ZBTB44: variants seen among roughly 807,000 people sequenced by gnomAD.
The protein encoded by ZBTB44 is zinc finger and BTB domain containing 44, also known as zinc finger and BTB domain-containing protein 44.
A neutral mutation model predicts 54.0 loss-of-function variants in ZBTB44; 15 were observed. The observed-to-expected ratio is 0.28, with a 90% CI of 0.19 to 0.43. ZBTB44 has a LOEUF of 0.43. ZBTB44 is among the 20% of genes least tolerant of loss of function. The pLI, the probability that ZBTB44 is intolerant of heterozygous loss-of-function variation, is 1.00. For synonymous variants in ZBTB44, 230 were observed against 250.1 expected (o/e 0.92, Z 0.76); for missense variants, 487 against 707.1 (o/e 0.69, Z 3.53).
At chr11:130,296,276 T>A (rs190341285) in intron 1 of ZBTB44, 530 of 1,480,532 alleles carry the variant, frequency 3.6e-4, no homozygotes, top group Non-Finnish European at 4.6e-4. Flanking sequence ...TTTGTCCTTC[T>A]GAAAAGAGAT....
At chr11:130,272,125 G>A (rs1255512900) in intron 1 of ZBTB44, among the ~76,000 whole-genome samples, 2 of 151,306 alleles carry the variant, frequency 1.3e-5, no homozygotes, top group Admixed American at 6.6e-5. Flanking sequence ...CCAGCTGCTC[G>A]GGAGGCTGAG....
intron 1 of ZBTB44, chr11:130,310,600 CACATA>C (rs1410215865): frequency 1.3e-5 from 2 of 152,088 alleles, no homozygotes; most frequent in African/African-American, 2.4e-5. Context: ...TATGTGGCTT[CACATA>C]ACATAATTTG....
chr11:130,311,765 C>T (rs1942621382), intron 1 of ZBTB44, among the ~76,000 whole-genome samples: 1 of 152,132 alleles, frequency 6.6e-6, no homozygotes, highest in African/African-American at 2.4e-5. Flanking sequence ...AACCAAGACT[C>T]CCTGGATAAA....
At chr11:130,280,787 G>A (rs1225211518) in intron 1 of ZBTB44, among the ~76,000 whole-genome samples, 1 of 152,136 alleles carries the variant, frequency 6.6e-6, no homozygotes, top group Non-Finnish European at 1.5e-5. Context: ...AAAATTACTT[G>A]GGTGTAAATA....
chr11:130,260,773 G>A (rs1038810406), intron 2 of ZBTB44, 83 bp downstream of exon 2: 9 of 1,440,590 alleles, frequency 6.2e-6, no homozygotes, highest in African/African-American at 4.3e-5. Context: ...ATATGACCGA[G>A]CACAAAACTT....
At chr11:130,284,402 C>T (rs1310195389) in intron 1 of ZBTB44, among the ~76,000 whole-genome samples, 1 of 152,136 alleles carries the variant, frequency 6.6e-6, no homozygotes, top group African/African-American at 2.4e-5. Context: ...TTCATGGTAC[C>T]TCAACAAACA....
At chr11:130,242,659 G>A (rs2136305815) in intron 2 of ZBTB44, among the ~76,000 whole-genome samples, 1 of 152,246 alleles carries the variant, frequency 6.6e-6, no homozygotes, top group Non-Finnish European at 1.5e-5. Flanking sequence ...AGCACACTGA[G>A]GATATCATCC....
intron 2 of ZBTB44, among the ~76,000 whole-genome samples, chr11:130,243,786 T>A (rs77839109): frequency 0.042 from 6,358 of 152,282 alleles, 325 homozygotes; most frequent in African/African-American, 0.12. Context: ...TAAATTTACA[T>A]CACTGCTAGC....
chr11:130,268,170 G>C (rs779363859), intron 1 of ZBTB44, among the ~76,000 whole-genome samples: 164 of 147,558 alleles, frequency 1.1e-3, no homozygotes, highest in Non-Finnish European at 2.0e-3. Context: ...GAGGCAGGAA[G>C]ACTACTTGAG....
chr11:130,296,770 G>T lies in ZBTB44; in HGVS notation c.-57+17605C>A, dbSNP rs1445705493. Reference sequence around the variant, plus strand: ...TTGATTGAAAAGAACTACTTTCTTTGTAAGTCAGCCCAGGAAGCATATAAG... The same window carrying T: ...TTGATTGAAAAGAACTACTTTCTTTTTAAGTCAGCCCAGGAAGCATATAAG... On this transcript the variant is annotated intron_variant, in intron 1 of 7. Coordinates refer to ENST00000357899, the MANE Select transcript of ZBTB44 (RefSeq NM_001301098.2). 6.3e-6 allele frequency: 5 copies of T among 792,402 alleles called. No individual in the cohort carries two copies. In the South Asian group the frequency reaches 6.7e-5, roughly 11 times the overall value. The allele number at this position is 792,402 out of a possible 1,614,324, so 49.1% of individuals were successfully genotyped here. A position where few individuals can be genotyped will look rare whatever the true frequency, so the allele number is the denominator to read the frequency against.
intron 1 of ZBTB44, among the ~76,000 whole-genome samples, chr11:130,262,130 ATGTTTTTTTT>A (rs1373528667): frequency 6.6e-6 from 1 of 151,848 alleles, no homozygotes; most frequent in East Asian, 1.9e-4. Context: ...CTGTGAACCA[ATGTTTTTTTT>A]TGTTTTGTTT....
At position 130,295,645 on chromosome 11, in the gene ZBTB44, G is replaced by C. The variant is rs1007548746; in HGVS notation, c.-57+18730C>G. On this transcript the variant is annotated intron_variant, in intron 1 of 7. Transcript: ENST00000357899. ...ACTCTGAAGTTAAAAAAAAAAATGG[G>C]TTTTACCAACATGACTGAAATTCAG... is the stretch of plus-strand genomic sequence containing the variant. 4 of 1,121,392 alleles carry C rather than the reference G, an allele frequency of 3.6e-6. No individual in the cohort carries two copies. In the African/African-American group the frequency reaches 6.2e-5, roughly 17 times the overall value. The allele number at this position is 1,121,392 out of a possible 1,614,324, so 69.5% of individuals were successfully genotyped here.
chr11:130,298,455 GTTTTTTTTT>G (rs996057514), intron 1 of ZBTB44, among the ~76,000 whole-genome samples: 4 of 116,336 alleles, frequency 3.4e-5, no homozygotes, highest in East Asian at 2.8e-4. Flanking sequence ...AAAAGTTGAA[GTTTTTTTTT>G]TTTTTTTTTT....
intron 1 of ZBTB44, among the ~76,000 whole-genome samples, chr11:130,282,731 C>T (rs974200079): frequency 6.6e-6 from 1 of 152,206 alleles, no homozygotes; most frequent in Non-Finnish European, 1.5e-5. Flanking sequence ...GTGGCTACCA[C>T]CTTAAACGGT....
At chr11:130,234,980 C>T (rs900835829) in intron 5 of ZBTB44, among the ~76,000 whole-genome samples, 27 of 152,126 alleles carry the variant, frequency 1.8e-4, no homozygotes, top group Non-Finnish European at 3.1e-4. Flanking sequence ...TTTTAAATTT[C>T]TTCTTCATAC....
chr11:130,305,125 A>G (rs1205904884), intron 1 of ZBTB44, among the ~76,000 whole-genome samples: 3 of 152,118 alleles, frequency 2.0e-5, no homozygotes, highest in African/African-American at 7.3e-5. Flanking sequence ...AAACAAATGG[A>G]AACACATCCC....
At chr11:130,298,307 T>A (rs996785870) in intron 1 of ZBTB44, among the ~76,000 whole-genome samples, 2 of 151,792 alleles carry the variant, frequency 1.3e-5, no homozygotes, top group African/African-American at 4.8e-5. Flanking sequence ...CTCACCCAGA[T>A]GATTTTTGTA....
chr11:130,261,618 A>G lies in ZBTB44; in HGVS notation c.256T>C (p.Leu86=). The change falls in exon 2 of 8, where the codon TTA becomes CTA. Residue 86 remains leucine, a synonymous_variant. Coordinates refer to ENST00000357899, the MANE Select transcript of ZBTB44 (RefSeq NM_001301098.2). This position sits in a 1 kb window ranked among gnomAD's most constrained non-coding sequence, Gnocchi z 4.8. ...AGAGTGGCTGTGTAAGCATATTCTA[A>G]AAGAGGTATAAAGCCAGTCACTGTA... is the stretch of plus-strand genomic sequence containing the variant. ...HVTVTGFIPL[L]EYAYTATLSI... 1 of 1,614,006 alleles carries G rather than the reference A, an allele frequency of 6.2e-7. No homozygotes were observed. The highest frequency in any genetic ancestry group is 1.1e-5 in the South Asian group (1 of 91,086).
At chr11:130,233,630 T>G (rs1292271833) in intron 6 of ZBTB44, 12 of 1,267,388 alleles carry the variant, frequency 9.5e-6, no homozygotes, top group South Asian at 6.4e-5. Flanking sequence ...TAGTTTCTCA[T>G]GTACCCTCTT....
Sources: allele counts gnomAD v4.1 joint callset (sites outside exome capture counted in the v4.1 genomes callset), GRCh38; gene constraint gnomAD v4.1.1; non-coding constraint Gnocchi (gnomAD v3.1); transcripts MANE v1.5; gene names NCBI Gene and HGNC (gene_info 2026-07-23, HGNC 2026-07-21).